TTC28: variants seen among roughly 807,000 people sequenced by gnomAD.
The protein encoded by TTC28 is tetratricopeptide repeat protein 28.
In TTC28, 61 loss-of-function variants were observed where a neutral mutation model predicts 198.0. That is an observed-to-expected ratio of 0.31 (90% CI 0.25 to 0.38). The LOEUF is 0.38. Among genes scored for constraint, TTC28 ranks in the 10% least tolerant of loss-of-function variants. TTC28 has a pLI of 1.00. For missense variants in TTC28, 2,678 were observed against 3,164.0 expected, an observed-to-expected ratio of 0.85 and a Z score of 3.69; for synonymous variants, 1,171 against 1,297.8, an observed-to-expected ratio of 0.90 and a Z score of 2.10.
chr22:28,163,740 A>C, intron 5 of TTC28, 141 bp from the exon 6 acceptor site: 1 of 962,818 alleles, frequency 1.0e-6, no homozygotes, highest in African/African-American at 1.7e-5. Flanking sequence ...AGTGACGCAG[A>C]AGACGGGTGA....
chr22:28,479,602 G>A (rs866157866), intron 2 of TTC28, among the ~76,000 whole-genome samples: 6 of 152,126 alleles, frequency 3.9e-5, no homozygotes, highest in South Asian at 2.1e-4. Context: ...CTAGTTATTA[G>A]AGCTGATTAA....
At chr22:28,176,150 G>C (rs1201871936) in intron 5 of TTC28, among the ~76,000 whole-genome samples, 1 of 152,112 alleles carries the variant, frequency 6.6e-6, no homozygotes, top group Non-Finnish European at 1.5e-5. Context: ...GGCCAAGATA[G>C]GGAATCAACC....
chr22:28,564,499 C>A (rs1231129624), intron 2 of TTC28, among the ~76,000 whole-genome samples: 1 of 151,812 alleles, frequency 6.6e-6, no homozygotes, highest in Admixed American at 6.6e-5. Context: ...AGAAAGTAAC[C>A]ATTAATTTAC....
intron 6 of TTC28, among the ~76,000 whole-genome samples, chr22:28,110,808 G>A (rs893804693): frequency 2.0e-5 from 3 of 151,914 alleles, no homozygotes; most frequent in African/African-American, 7.3e-5. Flanking sequence ...GGTGGTGTGA[G>A]CCTGTAGTCC....
chr22:28,414,178 A>G (rs1360025409), intron 2 of TTC28, among the ~76,000 whole-genome samples: 2 of 152,222 alleles, frequency 1.3e-5, no homozygotes, highest in Non-Finnish European at 2.9e-5. Context: ...TAACAGAAAG[A>G]AGGCTGTACT....
At chr22:28,291,197 A>G (rs535779746) in intron 5 of TTC28, among the ~76,000 whole-genome samples, 2 of 152,198 alleles carry the variant, frequency 1.3e-5, no homozygotes, top group Non-Finnish European at 2.9e-5. Flanking sequence ...GGACAAGAAT[A>G]TCCTAGACAT....
At chr22:28,016,876 G>A (rs1938399321) in intron 13 of TTC28, among the ~76,000 whole-genome samples, 1 of 152,234 alleles carries the variant, frequency 6.6e-6, no homozygotes, top group Admixed American at 6.5e-5. Context: ...TCCCTGAGGA[G>A]CACAAGATGT....
At chr22:28,480,778 GA>G (rs368438854) in intron 2 of TTC28, among the ~76,000 whole-genome samples, 35 of 151,600 alleles carry the variant, frequency 2.3e-4, no homozygotes, top group Middle Eastern at 3.4e-3. Flanking sequence ...AAAAAATACA[GA>G]AAAAAAATAC....
chr22:28,006,352 G>A (rs1373809198), intron 14 of TTC28, among the ~76,000 whole-genome samples: 2 of 152,200 alleles, frequency 1.3e-5, no homozygotes, highest in Non-Finnish European at 2.9e-5. Context: ...GCCTGGCACT[G>A]GTGTGCACTC....
intron 2 of TTC28, among the ~76,000 whole-genome samples, chr22:28,458,897 T>A (rs933001161): frequency 2.0e-5 from 3 of 148,348 alleles, no homozygotes; most frequent in South Asian, 2.2e-4. Flanking sequence ...AAAAAAAAAA[T>A]TTACCAAAAT....
intron 13 of TTC28, among the ~76,000 whole-genome samples, chr22:28,019,070 C>G (rs894721401): frequency 3.9e-5 from 6 of 152,192 alleles, no homozygotes; most frequent in Non-Finnish European, 7.4e-5. Context: ...CAGATCAAAA[C>G]AGCAAAGCAG....
intron 12 of TTC28, among the ~76,000 whole-genome samples, chr22:28,050,059 G>C (rs1408419214): frequency 6.6e-6 from 1 of 152,064 alleles, no homozygotes; most frequent in Non-Finnish European, 1.5e-5. Context: ...TTATAGCTGG[G>C]ACAGCTATAA....
At chr22:28,154,530 A>T (rs547540488) in intron 6 of TTC28, among the ~76,000 whole-genome samples, 1 of 151,640 alleles carries the variant, frequency 6.6e-6, no homozygotes, top group African/African-American at 2.4e-5. Context: ...TTTTCTTTTT[A>T]TATTTTTAGT....
intron 2 of TTC28, among the ~76,000 whole-genome samples, chr22:28,386,398 A>T (rs73882741): frequency 6.6e-6 from 1 of 150,906 alleles, no homozygotes; most frequent in Non-Finnish European, 1.5e-5. Flanking sequence ...CTGCTCTCTC[A>T]TGATGGGCAG....
chr22:28,206,712 G>C (rs1219106459), intron 5 of TTC28, among the ~76,000 whole-genome samples: 14 of 152,150 alleles, frequency 9.2e-5, no homozygotes, highest in Admixed American at 8.5e-4. Flanking sequence ...TTAGGGGTTT[G>C]AAAAGTCACT....
At chr22:28,652,120 A>G (rs549183681) in intron 1 of TTC28, among the ~76,000 whole-genome samples, 1 of 152,360 alleles carries the variant, frequency 6.6e-6, no homozygotes, top group East Asian at 1.9e-4. Flanking sequence ...GATTACAGGC[A>G]TGAGCCACTG....
intron 2 of TTC28, among the ~76,000 whole-genome samples, chr22:28,466,820 TACACACAC>T (rs58512456): frequency 3.7e-4 from 53 of 143,914 alleles, no homozygotes; most frequent in South Asian, 6.8e-4. Flanking sequence ...TATACATACA[TACACACAC>T]ACACACACAC....
intron 2 of TTC28, among the ~76,000 whole-genome samples, chr22:28,353,071 A>G (rs1025432341): frequency 6.6e-6 from 1 of 152,180 alleles, no homozygotes; most frequent in African/African-American, 2.4e-5. Flanking sequence ...AACCTAATAA[A>G]ATCATAATGG....
chr22:28,499,932 T>C (rs1366825701), intron 2 of TTC28, among the ~76,000 whole-genome samples: 2 of 152,206 alleles, frequency 1.3e-5, no homozygotes, highest in Admixed American at 6.5e-5. Context: ...CATTTCTTCA[T>C]GTTGTGAACA....
Sources: allele counts gnomAD v4.1 joint callset (sites outside exome capture counted in the v4.1 genomes callset), GRCh38; gene constraint gnomAD v4.1.1; transcripts MANE v1.5; gene names NCBI Gene and HGNC (gene_info 2026-07-23, HGNC 2026-07-21).